The following NTNG1 variants were observed in gnomAD, a reference collection of about 807,000 sequenced individuals.
NTNG1 encodes netrin G1.
A neutral mutation model predicts 54.0 loss-of-function variants in NTNG1; 16 were observed. The observed-to-expected ratio is 0.30, with a 90% CI of 0.20 to 0.45. The LOEUF (loss-of-function observed/expected upper bound fraction) is 0.45. Among genes scored for constraint, NTNG1 ranks in the 20% least tolerant of loss-of-function variants. The probability of loss-of-function intolerance (pLI) is 1.00; values close to 1 mark genes in which losing one functional copy is unlikely to be tolerated. For synonymous variants in NTNG1, 255 were observed against 263.1 expected, an observed-to-expected ratio of 0.97 and a Z score of 0.30; for missense variants, 530 against 678.7, an observed-to-expected ratio of 0.78 and a Z score of 2.43.
chr1:107,319,410 A>G (rs1667515449), intron 2 of NTNG1, among the ~76,000 whole-genome samples: 1 of 152,124 alleles, frequency 6.6e-6, no homozygotes, highest in Admixed American at 6.6e-5. Flanking sequence ...CATGGTTCTC[A>G]TGGTTTCAAT....
chr1:107,215,520 T>G (rs1439625030), intron 2 of NTNG1, among the ~76,000 whole-genome samples: 2 of 152,208 alleles, frequency 1.3e-5, no homozygotes, highest in East Asian at 3.8e-4. Context: ...TACCATGCTG[T>G]TTTGATGACT....
intron 7 of NTNG1, among the ~76,000 whole-genome samples, chr1:107,458,850 T>G (rs962702506): frequency 2.6e-5 from 4 of 152,202 alleles, no homozygotes; most frequent in African/African-American, 9.7e-5. Flanking sequence ...TCTGGTGTCC[T>G]ATTTGCTGGA....
At chr1:107,221,538 T>C (rs1660344887) in intron 2 of NTNG1, among the ~76,000 whole-genome samples, 1 of 152,042 alleles carries the variant, frequency 6.6e-6, no homozygotes, top group Admixed American at 6.6e-5. Context: ...CCTACCAAAA[T>C]GTCAGGAAAG....
chr1:107,454,933 C>A (rs75980796), intron 7 of NTNG1, among the ~76,000 whole-genome samples: 1,535 of 152,330 alleles, frequency 0.01, 29 homozygotes, highest in African/African-American at 0.035. Flanking sequence ...CCACCCCACA[C>A]CAACATACAT....
intron 5 of NTNG1, among the ~76,000 whole-genome samples, chr1:107,429,957 AC>A (rs1478179164): frequency 1.3e-5 from 2 of 152,108 alleles, no homozygotes; most frequent in Admixed American, 1.3e-4. Context: ...CCTCAGAGAC[AC>A]CTCTAACATT....
rs76346367 is a variant in NTNG1, at chr1:107,240,088, A to G, written c.247-84194A>G. ...CCATTACACAGTAATGTTTTGATGT[A>G]TGTGAGGTATGATGATACAATAGAG... On this transcript the variant is annotated intron_variant, in intron 2 of 7. Transcript: ENST00000370068. 5.6e-3 allele frequency among the ~76,000 whole-genome samples: 853 copies of G among 152,286 alleles called. 8 individuals carry two copies. Among genetic ancestry groups the G allele is most frequent in the African/African-American group, 0.019 (809 of 41,564 alleles).
intron 3 of NTNG1, among the ~76,000 whole-genome samples, chr1:107,377,754 A>AG (rs1671388497): frequency 6.6e-6 from 1 of 152,260 alleles, no homozygotes; most frequent in Non-Finnish European, 1.5e-5. Context: ...AAGGCAGCAT[A>AG]CATTGCAATT....
intron 7 of NTNG1, among the ~76,000 whole-genome samples, chr1:107,461,298 T>G (rs1393147847): frequency 6.6e-6 from 1 of 152,052 alleles, no homozygotes; most frequent in Non-Finnish European, 1.5e-5. Flanking sequence ...ATCCAAGTAT[T>G]AAGGAGACCC....
At chr1:107,378,528 C>T (rs1362574781) in intron 3 of NTNG1, among the ~76,000 whole-genome samples, 1 of 152,142 alleles carries the variant, frequency 6.6e-6, no homozygotes, top group Non-Finnish European at 1.5e-5. Flanking sequence ...GATGGGGGAA[C>T]AGCCTTGGAA....
chr1:107,361,045 T>C (rs1030183156), intron 3 of NTNG1, among the ~76,000 whole-genome samples: 2 of 149,774 alleles, frequency 1.3e-5, no homozygotes, highest in African/African-American at 4.9e-5. Context: ...TATTGCAATA[T>C]GGAAGTACAT....
At chr1:107,218,786 T>G (rs944737454) in intron 2 of NTNG1, among the ~76,000 whole-genome samples, 1 of 152,200 alleles carries the variant, frequency 6.6e-6, no homozygotes, top group African/African-American at 2.4e-5. Context: ...AGGACCCCAG[T>G]CCCTTCTAGC....
chr1:107,229,191 G>A (rs1157164126), intron 2 of NTNG1, among the ~76,000 whole-genome samples: 6 of 151,784 alleles, frequency 4.0e-5, no homozygotes, highest in Admixed American at 2.6e-4. Flanking sequence ...GGGCTCTTCG[G>A]ATGGCAGCCC....
At chr1:107,198,586 G>C (rs559287252) in intron 2 of NTNG1, among the ~76,000 whole-genome samples, 1 of 151,870 alleles carries the variant, frequency 6.6e-6, no homozygotes, top group South Asian at 2.1e-4. Context: ...GTTCCCCTTC[G>C]TATTTTTGTG....
chr1:107,350,226 A>G (rs1435572612), intron 3 of NTNG1, among the ~76,000 whole-genome samples: 1 of 152,112 alleles, frequency 6.6e-6, no homozygotes, highest in Non-Finnish European at 1.5e-5. Flanking sequence ...CCCATTTTTA[A>G]TGAGAGAATT....
chr1:107,312,721 C>A (rs1166282619), intron 2 of NTNG1, among the ~76,000 whole-genome samples: 1 of 152,120 alleles, frequency 6.6e-6, no homozygotes, highest in Non-Finnish European at 1.5e-5. Context: ...GGGGACTGGA[C>A]TTACCAGGCA....
chr1:107,202,322 T>A (rs1658817444), intron 2 of NTNG1, among the ~76,000 whole-genome samples: 2 of 151,866 alleles, frequency 1.3e-5, no homozygotes, highest in African/African-American at 2.4e-5. Context: ...TATATCTTAC[T>A]TTTGTCATCT....
intron 1 of NTNG1, among the ~76,000 whole-genome samples, chr1:107,141,619 C>T (rs1040782572): frequency 2.2e-4 from 33 of 152,122 alleles, no homozygotes; most frequent in Non-Finnish European, 1.5e-4. Context: ...GTAAAGCGCC[C>T]CGAGGAGGCA....
intron 3 of NTNG1, among the ~76,000 whole-genome samples, chr1:107,326,619 G>A (rs980478235): frequency 2.0e-5 from 3 of 152,094 alleles, no homozygotes; most frequent in African/African-American, 7.2e-5. Context: ...AAACTAAGAT[G>A]TGGATTTTAA....
chr1:107,237,912 G>A (rs1160191587), intron 2 of NTNG1, among the ~76,000 whole-genome samples: 1 of 152,196 alleles, frequency 6.6e-6, no homozygotes, highest in Non-Finnish European at 1.5e-5. Flanking sequence ...GTGTGGAAGG[G>A]AAATATGGGT....
Sources: gnomAD v4.1 joint callset for allele counts (sites outside exome capture counted in the v4.1 genomes callset) on GRCh38, gnomAD v4.1.1 for gene constraint, MANE v1.5 for transcripts, NCBI Gene and HGNC (gene_info 2026-07-23, HGNC 2026-07-21) for gene names.